BTBD8: variants seen among roughly 807,000 people sequenced by gnomAD.
The protein encoded by BTBD8 is BTB domain containing 8, also known as BTB/POZ domain-containing protein 8.
In BTBD8, 110 loss-of-function variants were observed where a neutral mutation model predicts 162.9. The ratio of observed to expected loss-of-function variants is 0.68; its 90% CI spans 0.58 to 0.79. BTBD8 has a LOEUF of 0.79. BTBD8 is among the 30% of genes least tolerant of loss of function. The pLI is 0.00. For missense variants in BTBD8, 1,905 were observed against 2,085.4 expected (o/e 0.91, Z 1.68); for synonymous variants, 667 against 716.1 (o/e 0.93, Z 1.10).
chr1:92,107,974 T>C lies in BTBD8; in HGVS notation c.635T>C (p.Val212Ala). Residue 212 changes from valine to alanine, a missense_variant, in exon 4 of 18, where the codon GTT becomes GCT. Physicochemically the swap from Val to Ala is moderately conservative, Grantham distance 64 (BLOSUM62 0). Around this residue, in one of 3 missense-constraint regions of BTBD8, gnomAD observed 1,374 missense variants for 1,442.7 expected, o/e 0.95. Transcript: ENST00000636805. The stretch of plus-strand genomic sequence containing the variant: ...TGTTGCCCAGATATTGATATTTTTG[T>C]TGATGGAAAACGTTTTAAAGCTCAC... ...KPCCPDIDIF[V>A]DGKRFKAHRA... The C allele has an allele frequency of 3.1e-6, 5 of 1,614,032 alleles. No individual in the cohort carries two copies. The highest frequency in any genetic ancestry group is 3.4e-6 in the Non-Finnish European group (4 of 1,179,904).
intron 2 of BTBD8, among the ~76,000 whole-genome samples, chr1:92,095,905 C>T (rs1648438151): frequency 6.6e-6 from 1 of 152,152 alleles, no homozygotes; most frequent in Non-Finnish European, 1.5e-5. Flanking sequence ...GTCTTTCTAG[C>T]TTACTCCCTT....
chr1:92,106,120 A>G (rs1025526439), intron 3 of BTBD8, among the ~76,000 whole-genome samples: 3 of 152,202 alleles, frequency 2.0e-5, no homozygotes, highest in Non-Finnish European at 4.4e-5. Flanking sequence ...AGATTGACCA[A>G]AACCTTGGGC....
rs1463857910 is a variant in BTBD8, at chr1:92,180,684, G to T, written c.3001G>T (p.Ala1001Ser). ...LINLASEISDAEALQSSCRPD... is the reference protein window; with the variant it reads ...LINLASEISDSEALQSSCRPD... Reference sequence around the variant, plus strand: ...TAATCTTGCATCTGAAATAAGTGATGCAGAAGCACTCCAGTCATCCTGCAG... The same window carrying T: ...TAATCTTGCATCTGAAATAAGTGATTCAGAAGCACTCCAGTCATCCTGCAG... Residue 1001 changes from alanine (A) to serine (S), a missense_variant, in exon 17 of 18, where the codon GCA becomes TCA. Physicochemically the swap from Ala to Ser is moderately conservative, Grantham distance 99. Transcript: ENST00000636805. The T allele has an allele frequency of 1.3e-6, 2 of 1,551,386 alleles. No homozygotes were observed. The highest frequency in any genetic ancestry group is 1.7e-6 in the Non-Finnish European group (2 of 1,146,952).
rs907985734 is a variant in BTBD8, at chr1:92,080,455, T to C, written c.-117T>C. 1 of 1,457,016 alleles carries C rather than the reference T, an allele frequency of 6.9e-7. No individual in the cohort carries two copies. The highest frequency in any genetic ancestry group is 9.2e-7 in the Non-Finnish European group (1 of 1,089,656). 90.3% of individuals were successfully genotyped at this position (1,457,016 alleles called of 1,614,324 possible). Reference sequence around the variant, plus strand: ...GACGAGAGGCGTCAACCTTTTACCCTAGGGGGCGGATTTGGGTAGGAGCCG... The same window carrying C: ...GACGAGAGGCGTCAACCTTTTACCCCAGGGGGCGGATTTGGGTAGGAGCCG... On this transcript the variant is annotated 5_prime_UTR_variant, in exon 1 of 18. Transcript: ENST00000636805.
chr1:92,087,942 A>T (rs1648203741), intron 1 of BTBD8, among the ~76,000 whole-genome samples: 1 of 152,224 alleles, frequency 6.6e-6, no homozygotes, highest in African/African-American at 2.4e-5. Context: ...GCAAAGAGGC[A>T]AAAGATTATA....
chr1:92,162,018 T>C (rs1453673559), intron 9 of BTBD8, among the ~76,000 whole-genome samples: 1 of 151,964 alleles, frequency 6.6e-6, no homozygotes, highest in Non-Finnish European at 1.5e-5. Context: ...TTTCTAGTGC[T>C]GATTGTGAAC....
At chr1:92,091,465 A>G (rs181292964) in intron 2 of BTBD8, among the ~76,000 whole-genome samples, 274 of 150,776 alleles carry the variant, frequency 1.8e-3, no homozygotes, top group African/African-American at 6.4e-3. Context: ...GTGTGTGTGT[A>G]TGTGTATGTG....
At chr1:92,159,480 A>G (rs1336869383) in intron 9 of BTBD8, among the ~76,000 whole-genome samples, 4 of 152,092 alleles carry the variant, frequency 2.6e-5, no homozygotes, top group East Asian at 1.9e-4. Flanking sequence ...CCTGCCTTAT[A>G]TATTTTCCTT....
At chr1:92,087,773 A>T (rs1043201798) in intron 1 of BTBD8, among the ~76,000 whole-genome samples, 1 of 152,216 alleles carries the variant, frequency 6.6e-6, no homozygotes, top group Admixed American at 6.5e-5. Flanking sequence ...TGTAATGGGT[A>T]TCTTTATCAG....
intron 4 of BTBD8, chr1:92,125,661 A>G (rs1649335719): frequency 3.1e-6 from 1 of 323,336 alleles, no homozygotes; most frequent in African/African-American, 2.2e-5. Context: ...TTATACCAAA[A>G]GATTATAAGA....
At chr1:92,101,504 AC>A in intron 2 of BTBD8, among the ~76,000 whole-genome samples, 1 of 152,312 alleles carries the variant, frequency 6.6e-6, no homozygotes, top group Admixed American at 6.5e-5. Context: ...CCCCACCAGG[AC>A]CCGGGGAACC....
intron 2 of BTBD8, among the ~76,000 whole-genome samples, chr1:92,095,753 A>G (rs1169376538): frequency 2.0e-5 from 3 of 152,138 alleles, no homozygotes; most frequent in East Asian, 1.9e-4. Flanking sequence ...AGTGCCTTCA[A>G]TTCCTGTCTT....
At chr1:92,080,965 G>C (rs1410078143) in intron 1 of BTBD8, among the ~76,000 whole-genome samples, 1 of 152,214 alleles carries the variant, frequency 6.6e-6, no homozygotes, top group Non-Finnish European at 1.5e-5. Context: ...AAAAAGCTTA[G>C]TCGTGTGCAG....
At chr1:92,167,765 T>C in intron 10 of BTBD8, 83 bp from the exon 11 acceptor site, 1 of 1,138,936 alleles carries the variant, frequency 8.8e-7, no homozygotes, top group Non-Finnish European at 1.2e-6. Context: ...CAGCTAGTTA[T>C]AATGATCTGT....
In BTBD8 at chr1:92,176,653, G is replaced by A. The variant is rs144502413; in HGVS notation, c.1636-176G>A. Among the ~76,000 whole-genome samples the A allele has an allele frequency of 2.4e-3, 369 of 152,060 alleles. 2 individuals carry two copies. Among genetic ancestry groups the A allele is most frequent in the African/African-American group, 8.5e-3 (352 of 41,500 alleles). On this transcript the variant is annotated intron_variant, in intron 13 of 17. Coordinates refer to ENST00000636805, the MANE Select transcript of BTBD8 (RefSeq NM_001376131.1). ...TATGCTGTATTTCAGATTTGATTAC[G>A]GTAATCTAAGACAAAGTTTTGATCC...
intron 4 of BTBD8, 142 bp downstream of exon 4, chr1:92,108,143 T>C: frequency 1.3e-6 from 1 of 794,372 alleles, no homozygotes; most frequent in Admixed American, 2.3e-5. Flanking sequence ...GGGGTTCCAC[T>C]GTGATTCCTC....
At chr1:92,173,299 G>A (rs1650608736) in intron 13 of BTBD8, among the ~76,000 whole-genome samples, 1 of 152,188 alleles carries the variant, frequency 6.6e-6, no homozygotes, top group African/African-American at 2.4e-5. Context: ...GAATACTTTT[G>A]AATTGTTGCA....
intron 17 of BTBD8, among the ~76,000 whole-genome samples, chr1:92,183,302 C>T (rs1028788645): frequency 1.3e-5 from 2 of 152,088 alleles, no homozygotes; most frequent in Non-Finnish European, 2.9e-5. Flanking sequence ...GACTGAGTAG[C>T]TATTGTGTAT....
At position 92,180,508 on chromosome 1, in the gene BTBD8, C is replaced by T. The variant is rs1333862464; in HGVS notation, c.2825C>T (p.Pro942Leu). The T allele has an allele frequency of 6.4e-7, 1 of 1,551,340 alleles. No homozygotes were observed. The highest frequency in any genetic ancestry group is 8.7e-7 in the Non-Finnish European group (1 of 1,146,878). ...AATAAAGATTCAAAACAGAAAATGC[C>T]TCCTGGACAGGTTATATCAAAAACT... ...LNNKDSKQKM[P>L]PGQVISKTQP... is the part of the protein sequence containing the mutation. Residue 942 changes from proline (P) to leucine (L), a missense_variant, in exon 17 of 18, where the codon CCT (proline) becomes CTT (leucine). By Grantham distance (98) the Pro-to-Leu change is moderately conservative (BLOSUM62 -3). Transcript: ENST00000636805.
Sources: gnomAD v4.1 joint callset for allele counts (sites outside exome capture counted in the v4.1 genomes callset) on GRCh38, gnomAD v4.1.1 for gene constraint, gnomAD v4.1.1 regional missense constraint, MANE v1.5 for transcripts, NCBI Gene and HGNC (gene_info 2026-07-23, HGNC 2026-07-21) for gene names.